The following NAV2 variants were observed in gnomAD, a reference collection of about 807,000 sequenced individuals.
NAV2 encodes the protein neuron navigator 2.
NAV2 carries 54 observed loss-of-function variants against 223.2 expected under a neutral mutation model. The ratio of observed to expected loss-of-function variants is 0.24; its 90% confidence interval spans 0.19 to 0.30. The LOEUF (loss-of-function observed/expected upper bound fraction) is 0.30. NAV2 is among the 10% of genes least tolerant of loss of function. The pLI, the probability that NAV2 is intolerant of heterozygous loss-of-function variation, is 1.00. For missense variants in NAV2, 2,806 were observed against 3,147.5 expected, an observed-to-expected ratio of 0.89 and a Z score of 2.60; for synonymous variants, 1,279 against 1,239.3, an observed-to-expected ratio of 1.03 and a Z score of -0.67.
intron 6 of NAV2, among the ~76,000 whole-genome samples, chr11:19,898,165 A>G (rs528374947): frequency 6.6e-6 from 1 of 152,094 alleles, no homozygotes; most frequent in Non-Finnish European, 1.5e-5. Flanking sequence ...ACTTACATGC[A>G]TATAGAAGAT....
At chr11:19,730,975 A>T (rs528078042) in intron 1 of NAV2, among the ~76,000 whole-genome samples, 19 of 152,254 alleles carry the variant, frequency 1.2e-4, no homozygotes, top group Non-Finnish European at 1.9e-4. Context: ...GAACCAAGAT[A>T]TGAGTTCATT....
chr11:20,042,849 A>G (rs2057054793), intron 12 of NAV2, among the ~76,000 whole-genome samples: 1 of 152,100 alleles, frequency 6.6e-6, no homozygotes, highest in Admixed American at 6.5e-5. Flanking sequence ...CGCTACTGAC[A>G]TCCTCCAACT....
chr11:19,973,910 C>T (rs1372460940), intron 10 of NAV2, among the ~76,000 whole-genome samples: 1 of 152,226 alleles, frequency 6.6e-6, no homozygotes, highest in Non-Finnish European at 1.5e-5. Flanking sequence ...AACAGTCGGA[C>T]TGTCCTGAGG....
At chr11:19,458,140 G>A (rs1267444388) in intron 1 of NAV2, among the ~76,000 whole-genome samples, 2 of 152,200 alleles carry the variant, frequency 1.3e-5, no homozygotes, top group African/African-American at 4.8e-5. Context: ...CTGGGAAATG[G>A]CAGTCTCACT....
intron 1 of NAV2, among the ~76,000 whole-genome samples, chr11:19,568,711 C>A (rs538704458): frequency 2.0e-5 from 3 of 152,172 alleles, no homozygotes; most frequent in African/African-American, 7.2e-5. Context: ...TGAGCACTTG[C>A]CCAAGGTCTT....
At chr11:20,051,450 C>T in intron 17 of NAV2, 117 bp downstream of exon 17, 2 of 862,470 alleles carry the variant, frequency 2.3e-6, no homozygotes, top group South Asian at 2.7e-5. Context: ...CTTTGACCAC[C>T]ACAGCAGGAC....
chr11:19,375,384 G>C (rs1294963830), intron 1 of NAV2, among the ~76,000 whole-genome samples: 1 of 152,206 alleles, frequency 6.6e-6, no homozygotes, highest in Non-Finnish European at 1.5e-5. Context: ...CAGTCAGTGA[G>C]AGCAGGCACC....
Position 20,061,969 on chromosome 11 carries a change from A to G in NAV2, c.4832-338A>G, listed in dbSNP as rs865989566. 1.8e-4 allele frequency among the ~76,000 whole-genome samples: 28 copies of G among 152,214 alleles called. 1 individual carries two copies. Among genetic ancestry groups the G allele is most frequent in the African/African-American group, 6.0e-4 (25 of 41,448 alleles). On this transcript the variant is annotated intron_variant, in intron 19 of 37. Transcript: ENST00000349880. The stretch of plus-strand genomic sequence containing the variant: ...GTAACAGGTTGCCTCCGGGCAATGC[A>G]ATTGTGAGTCAGTGCAGGTTGTGAC...
chr11:19,978,656 T>G (rs1433486827), intron 10 of NAV2: 9 of 104,536 alleles, frequency 8.6e-5, no homozygotes, highest in African/African-American at 4.4e-4. Context: ...AGAGGTTTTT[T>G]TTTTTTTTTT....
intron 1 of NAV2, among the ~76,000 whole-genome samples, chr11:19,448,875 G>C (rs75576767): frequency 0.059 from 8,946 of 152,302 alleles, 428 homozygotes; most frequent in Non-Finnish European, 0.095. Flanking sequence ...AGGAGGGAGA[G>C]AGGAGAGCCA....
chr11:19,522,658 T>C (rs1330206600), intron 1 of NAV2, among the ~76,000 whole-genome samples: 7 of 152,308 alleles, frequency 4.6e-5, no homozygotes, highest in Non-Finnish European at 1.0e-4. Context: ...TGGCCAGCAT[T>C]TGAAGTGTTG....
chr11:19,379,267 G>A (rs533718996), intron 1 of NAV2, among the ~76,000 whole-genome samples: 11 of 152,258 alleles, frequency 7.2e-5, no homozygotes, highest in African/African-American at 1.7e-4. Context: ...GTGACTGGGC[G>A]TGGGGTCACT....
At chr11:19,508,160 C>T (rs1017128249) in intron 1 of NAV2, among the ~76,000 whole-genome samples, 1 of 152,050 alleles carries the variant, frequency 6.6e-6, no homozygotes, top group African/African-American at 2.4e-5. Flanking sequence ...GCTCTGTGGA[C>T]CAGCCTTGCT....
chr11:19,384,696 G>A (rs142129261), intron 1 of NAV2: 20 of 152,296 alleles, frequency 1.3e-4, no homozygotes, highest in African/African-American at 4.1e-4. Flanking sequence ...GTGAATATGA[G>A]CTTCTCTGAA....
At chr11:19,477,381 A>G (rs2042150734) in intron 1 of NAV2, among the ~76,000 whole-genome samples, 1 of 152,194 alleles carries the variant, frequency 6.6e-6, no homozygotes, top group African/African-American at 2.4e-5. Context: ...TTGTGCATTG[A>G]AACAGTTTAT....
intron 1 of NAV2, among the ~76,000 whole-genome samples, chr11:19,399,916 G>T (rs1308246098): frequency 6.6e-6 from 1 of 152,202 alleles, no homozygotes; most frequent in African/African-American, 2.4e-5. Context: ...GGTCAGATGG[G>T]CTTCAGGAAT....
rs565115299 is a variant in NAV2 at position 19,670,051 on chromosome 11, G to A, written c.76-162433G>A. Among the ~76,000 whole-genome samples the A allele has an allele frequency of 8.5e-5, 13 of 152,220 alleles. No individual in the cohort carries two copies. In the South Asian group the frequency reaches 2.3e-3, roughly 27 times the overall value. ...CTGCCTTCACTAACTCATGGACTCC[G>A]GCCTCTCCTTGTCATGCCCACCCTG... On this transcript the variant is annotated intron_variant, in intron 1 of 37. Transcript: ENST00000360655.
intron 6 of NAV2, among the ~76,000 whole-genome samples, chr11:19,922,615 T>TA (rs1410120536): frequency 6.6e-6 from 1 of 152,186 alleles, no homozygotes; most frequent in East Asian, 1.9e-4. Context: ...GAAGCTATGT[T>TA]ACTTAACAAA....
At chr11:19,866,772 C>T (rs774126210) in intron 3 of NAV2, among the ~76,000 whole-genome samples, 2 of 152,100 alleles carry the variant, frequency 1.3e-5, no homozygotes, top group Non-Finnish European at 2.9e-5. Flanking sequence ...TAACCTACCT[C>T]GTCAGCCCAC....
Sources: allele counts gnomAD v4.1 joint callset (sites outside exome capture counted in the v4.1 genomes callset), GRCh38; gene constraint gnomAD v4.1.1; transcripts MANE v1.5; gene names NCBI Gene and HGNC (gene_info 2026-07-23, HGNC 2026-07-21).